Variants in PLTP observed in about 807,000 individuals in gnomAD.
PLTP encodes the protein phospholipid transfer protein, also known as BPI fold containing family E.
PLTP carries 43 observed loss-of-function variants against 54.1 expected under a neutral mutation model. That is an observed-to-expected ratio of 0.79 (90% CI 0.62 to 1.02). The LOEUF (loss-of-function observed/expected upper bound fraction) is 1.02. PLTP is among the 50% of genes least tolerant of loss of function. The probability of loss-of-function intolerance (pLI) is 0.00; values close to 1 mark genes in which losing one functional copy is unlikely to be tolerated. For missense variants in PLTP, 604 were observed against 645.9 expected (o/e 0.94, Z 0.70); for synonymous variants, 263 against 264.6 (o/e 0.99, Z 0.06).
chr20:45,912,129 C>T lies in PLTP; in HGVS notation c.-62G>A, dbSNP rs1442899449. On this transcript the variant is annotated 5_prime_UTR_variant, in exon 1 of 16. Transcript: ENST00000372431. ...CGGTCACGTGGGATGGCGGGCAGCT[C>T]AGGGGATCCGGGCGACGGGGTCTGG... The T allele has an allele frequency of 6.5e-6, 1 of 153,978 alleles. No individual in the cohort carries two copies. The highest frequency in any genetic ancestry group is 1.4e-5 in the Non-Finnish European group (1 of 69,272). The allele number at this position is 153,978 out of a possible 1,614,324, so 9.5% of individuals were successfully genotyped here. A position where few individuals can be genotyped will look rare whatever the true frequency, so the allele number is the denominator to read the frequency against.
At chr20:45,911,568 ACT>A in intron 1 of PLTP, 105 bp from the exon 2 acceptor site, 1 of 1,463,850 alleles carries the variant, frequency 6.8e-7, no homozygotes. Flanking sequence ...CCTCCAGATA[ACT>A]CTTCGGGGAA....
chr20:45,908,242 G>C (rs563643695), intron 5 of PLTP, among the ~76,000 whole-genome samples: 2 of 152,214 alleles, frequency 1.3e-5, no homozygotes, highest in African/African-American at 4.8e-5. Context: ...GAGCTCAGAT[G>C]CTTCCTCTTC....
intron 8 of PLTP, 69 bp downstream of exon 8, chr20:45,906,199 C>T: frequency 9.3e-7 from 1 of 1,075,272 alleles, no homozygotes; most frequent in Non-Finnish European, 1.4e-6. Flanking sequence ...GAAGTAAAAT[C>T]TTGCAACTTA....
At chr20:45,903,859 T>G (rs2083210590) in intron 10 of PLTP, among the ~76,000 whole-genome samples, 1 of 151,610 alleles carries the variant, frequency 6.6e-6, no homozygotes, top group Non-Finnish European at 1.5e-5. Flanking sequence ...AAAAAAGATC[T>G]GACTAAAAAT....
At position 45,907,782 on chromosome 20, in the gene PLTP, C is replaced by A. The variant is rs371036658; in HGVS notation, c.550-27G>T. The stretch of plus-strand genomic sequence containing the variant: ...TGCGAGGTGGGAGCCAGAGTCAGGG[C>A]CTTCTCAAAGTGAGAGCATGCCCAC... On this transcript the variant is annotated intron_variant, in intron 6 of 15. Transcript: ENST00000372431. 4 of 1,611,898 alleles carry A rather than the reference C, an allele frequency of 2.5e-6. No homozygotes were observed. The African/African-American group carries it at 5.3e-5, about 22-fold the overall frequency.
rs533631597 is a variant in PLTP, at chr20:45,906,154, G to C, written c.705+114C>G. ...GTAACAGGGAGCCATAGCATTCTCA[G>C]TAATGGGAGTGGCCTCATCAGAGCT... On this transcript the variant is annotated intron_variant, in intron 8 of 15. Transcript: ENST00000372431. 15 of 756,210 alleles carry C rather than the reference G, an allele frequency of 2.0e-5. No homozygotes were observed. In the African/African-American group the frequency reaches 2.2e-4, roughly 11 times the overall value. 46.8% of individuals were successfully genotyped at this position (756,210 alleles called of 1,614,324 possible). A position where few individuals can be genotyped will look rare whatever the true frequency, so the allele number is the denominator to read the frequency against.
At chr20:45,900,793 T>C (rs1013377085) in intron 12 of PLTP, among the ~76,000 whole-genome samples, 2 of 152,204 alleles carry the variant, frequency 1.3e-5, no homozygotes, top group African/African-American at 2.4e-5. Flanking sequence ...TCTCCCAAAG[T>C]GTTGAGATTA....
At position 45,911,156 on chromosome 20, in the gene PLTP, A is replaced by G; in HGVS notation, c.196T>C (p.Ser66Pro). ...GKEGHFYYNI[S>P]EVKVTELQLT... ...GAGGCCCCGCCCCCCACTTACTCAG[A>G]GATGTTGTAGTAGAAGTGGCCTTCT... is the stretch of plus-strand genomic sequence containing the variant. The change falls in exon 3 of 16, where the codon TCT (serine) becomes CCT (proline). Residue 66 changes from serine to proline, a missense_variant. Coordinates refer to ENST00000372431, the MANE Select transcript of PLTP (RefSeq NM_006227.4). 1 of 1,609,582 alleles carries G rather than the reference A, an allele frequency of 6.2e-7. No homozygotes were observed. The highest frequency in any genetic ancestry group is 8.5e-7 in the Non-Finnish European group (1 of 1,176,174).
intron 8 of PLTP, 93 bp from the exon 9 acceptor site, chr20:45,905,211 G>A (rs902710243): frequency 1.9e-5 from 22 of 1,146,170 alleles, no homozygotes; most frequent in Non-Finnish European, 2.8e-5. Flanking sequence ...TAGGCACTGT[G>A]GGGGGATGGT....
rs200777651 is a variant in PLTP, at chr20:45,909,603, C to G, written c.398G>C (p.Arg133Pro). The G allele has an allele frequency of 2.5e-6, 4 of 1,613,976 alleles. No homozygotes were observed. In the South Asian group the frequency reaches 3.3e-5, roughly 13 times the overall value. ...CACTTTCATCCGTCCAGCGGGATCCCGGGAGAGCTCCAGACCAGTGCGGAT... is the reference window on the plus strand; with the variant it reads ...CACTTTCATCCGTCCAGCGGGATCCGGGGAGAGCTCCAGACCAGTGCGGAT... ...VSIRTGLELS[R>P]DPAGRMKVSN... The change falls in exon 5 of 16, where the codon CGG (arginine) becomes CCG (proline). Residue 133 changes from arginine to proline, a missense_variant. Coordinates refer to ENST00000372431, the MANE Select transcript of PLTP (RefSeq NM_006227.4).
intron 10 of PLTP, among the ~76,000 whole-genome samples, chr20:45,903,845 G>GA (rs1017367275): frequency 6.6e-6 from 1 of 151,510 alleles, no homozygotes; most frequent in African/African-American, 2.4e-5. Flanking sequence ...TCCCCCCACC[G>GA]AAAAAAAAAG....
chr20:45,904,258 G>T (rs561117291), intron 10 of PLTP, among the ~76,000 whole-genome samples: 1 of 152,294 alleles, frequency 6.6e-6, no homozygotes, highest in East Asian at 1.9e-4. Context: ...GAGCCCAGGA[G>T]TTCAAGGACA....
intron 13 of PLTP, 29 bp downstream of exon 13, chr20:45,899,807 G>GGGCCCCCCCCCCCCCCCCCCCCCCC: frequency 7.3e-7 from 1 of 1,369,452 alleles, no homozygotes; most frequent in Non-Finnish European, 1.0e-6. Context: ...CACGAACCCA[G>GGGCCCCCCCCCCCCCCCCCCCCCCC]CCCAGCCCAC....
chr20:45,899,557 C>A lies in PLTP; in HGVS notation c.1283-19G>T, dbSNP rs376960730. On this transcript the variant is annotated intron_variant, in intron 14 of 15. Transcript: ENST00000372431. ...GTCCGCTCTGTGGGTGGGAGCACCC[C>A]GCTCAGTCTGGGCCCGCCCAGTTCA... The A allele has an allele frequency of 2.4e-5, 39 of 1,613,994 alleles. No individual in the cohort carries two copies. Among genetic ancestry groups the A allele is most frequent in the Non-Finnish European group, 3.1e-5 (36 of 1,179,972 alleles).
intron 8 of PLTP, 98 bp from the exon 9 acceptor site, chr20:45,905,216 G>A: frequency 1.9e-6 from 2 of 1,070,686 alleles, no homozygotes; most frequent in Admixed American, 1.9e-5. Flanking sequence ...ACTGTGGGGG[G>A]ATGGTGGGAA....
Position 45,898,978 on chromosome 20 carries a change from G to A in PLTP, c.1445C>T (p.Ala482Val), listed in dbSNP as rs201322954. ...TGTGGACGGTGTGGGGGCAGTGGACGCCCTGACATCAGCAGGCCGGTTCTT... is the reference window on the plus strand; with the variant it reads ...TGTGGACGGTGTGGGGGCAGTGGACACCCTGACATCAGCAGGCCGGTTCTT... ...IEKNRPADVRASTAPTPSTAA... is the reference protein window; with the variant it reads ...IEKNRPADVRVSTAPTPSTAA... Residue 482 changes from alanine to valine, a missense_variant, in exon 16 of 16, where the codon GCG becomes GTG. Ala to Val is a moderately conservative substitution (Grantham distance 64). Coordinates refer to ENST00000372431, the MANE Select transcript of PLTP (RefSeq NM_006227.4). The surrounding 1 kb of genome is among the most constrained non-coding windows in gnomAD (Gnocchi z 4.6). The A allele has an allele frequency of 1.2e-5, 19 of 1,614,074 alleles. No individual in the cohort carries two copies. In the East Asian group the frequency reaches 1.8e-4, roughly 15 times the overall value.
intron 4 of PLTP, 93 bp from the exon 5 acceptor site, chr20:45,909,764 T>C: frequency 6.7e-7 from 1 of 1,491,532 alleles, no homozygotes; most frequent in Non-Finnish European, 9.3e-7. Flanking sequence ...AGGTTTCACC[T>C]CTTTCCACAC....
chr20:45,901,403 G>C (rs954209078), intron 12 of PLTP, among the ~76,000 whole-genome samples: 3 of 152,036 alleles, frequency 2.0e-5, no homozygotes, highest in African/African-American at 7.2e-5. Context: ...TTGGAGACCA[G>C]CCTGGACAAC....
intron 10 of PLTP, 59 bp from the exon 11 acceptor site, chr20:45,902,663 GGAA>G: frequency 6.7e-7 from 1 of 1,498,658 alleles, no homozygotes. Flanking sequence ...GAGCCCCCAG[GGAA>G]GAAGGGGAAG....
Sources: gnomAD v4.1 joint callset for allele counts (sites outside exome capture counted in the v4.1 genomes callset) on GRCh38, gnomAD v4.1.1 for gene constraint, Gnocchi (gnomAD v3.1) non-coding constraint, MANE v1.5 for transcripts, NCBI Gene and HGNC (gene_info 2026-07-23, HGNC 2026-07-21) for gene names.